The following DLEC1 variants were observed in gnomAD, a reference collection of about 807,000 sequenced individuals.
DLEC1 encodes DLEC1 cilia and flagella associated protein, also known as deleted in lung and esophageal cancer protein 1.
A neutral mutation model predicts 198.1 loss-of-function variants in DLEC1; 146 were observed. The ratio of observed to expected loss-of-function variants is 0.74; its 90% CI spans 0.64 to 0.85. The LOEUF (loss-of-function observed/expected upper bound fraction) is 0.85, where lower values mean the gene tolerates loss of function less well. DLEC1 is among the 40% of genes least tolerant of loss of function. The pLI, the probability that DLEC1 is intolerant of heterozygous loss-of-function variation, is 0.00. For missense variants in DLEC1, 2,233 were observed against 2,220.0 expected, an observed-to-expected ratio of 1.01 and a Z score of -0.12; for synonymous variants, 897 against 866.8, an observed-to-expected ratio of 1.03 and a Z score of -0.61.
At chr3:38,114,306 TGACA>T in intron 25 of DLEC1, 32 bp from the exon 26 acceptor site, 1 of 1,606,972 alleles carries the variant, frequency 6.2e-7, no homozygotes, top group South Asian at 1.1e-5. Flanking sequence ...TCGCAACCGG[TGACA>T]GGAGTGACAA....
chr3:38,117,695 T>A, intron 32 of DLEC1, 84 bp downstream of exon 32: 1 of 1,602,180 alleles, frequency 6.2e-7, no homozygotes. Flanking sequence ...TCAGGCCTTA[T>A]AGTCTGAGCC....
At chr3:38,084,297 G>T (rs1559429532) in intron 7 of DLEC1, 52 bp downstream of exon 7, 1 of 1,500,582 alleles carries the variant, frequency 6.7e-7, no homozygotes, top group Non-Finnish European at 9.3e-7. Context: ...AGTAGTGGTG[G>T]TATTAGTAGT....
intron 26 of DLEC1, 70 bp from the exon 27 acceptor site, chr3:38,114,913 C>T: frequency 1.4e-6 from 2 of 1,440,066 alleles, no homozygotes; most frequent in East Asian, 2.3e-5. Flanking sequence ...CCCCCAGTCC[C>T]AGCCCTCCTC....
At chr3:38,093,839 A>C (rs1698872950) in intron 12 of DLEC1, 72 bp downstream of exon 12, 1 of 1,574,748 alleles carries the variant, frequency 6.4e-7, no homozygotes, top group South Asian at 1.2e-5. Context: ...TCCCAGTGAG[A>C]CAGGAGGTCC....
chr3:38,045,751 G>C, intron 2 of DLEC1, 58 bp downstream of exon 2: 1 of 1,530,492 alleles, frequency 6.5e-7, no homozygotes, highest in Non-Finnish European at 8.8e-7. Flanking sequence ...ATATTTCACT[G>C]TGTTTGCTCC....
intron 19 of DLEC1, among the ~76,000 whole-genome samples, chr3:38,102,328 C>A (rs902411990): frequency 6.6e-6 from 1 of 152,180 alleles, no homozygotes; most frequent in Non-Finnish European, 1.5e-5. Flanking sequence ...CATGTACCCG[C>A]CCCTTCCCCT....
At position 38,122,935 on chromosome 3, in the gene DLEC1, G is replaced by GCCA; in HGVS notation, c.*533_*535dup. 1 of 1,107,316 alleles carries GCCA rather than the reference G, an allele frequency of 9.0e-7. No homozygotes were observed. Among genetic ancestry groups the GCCA allele is most frequent in the Admixed American group, 1.8e-5 (1 of 55,304 alleles). 68.6% of individuals were successfully genotyped at this position (1,107,316 alleles called of 1,614,324 possible). ...GTTGAAGTGCCTTGATCTGTCCACT[G>GCCA]CCACCACCACCAGTGCTGAGTTTTC... On this transcript the variant is annotated 3_prime_UTR_variant, in exon 37 of 37. Transcript: ENST00000308059.
At chr3:38,049,129 G>A (rs1459452597) in intron 2 of DLEC1, among the ~76,000 whole-genome samples, 1 of 151,858 alleles carries the variant, frequency 6.6e-6, no homozygotes, top group African/African-American at 2.4e-5. Flanking sequence ...ACAAATGTCA[G>A]TTTGGAGAAT....
intron 2 of DLEC1, among the ~76,000 whole-genome samples, chr3:38,053,681 C>A (rs1054842139): frequency 6.7e-6 from 1 of 148,878 alleles, no homozygotes; most frequent in Non-Finnish European, 1.5e-5. Flanking sequence ...AGCGGCCACC[C>A]CGTCTGGGAG....
At chr3:38,073,441 T>C (rs1697433005) in intron 6 of DLEC1, among the ~76,000 whole-genome samples, 2 of 151,864 alleles carry the variant, frequency 1.3e-5, no homozygotes, top group East Asian at 1.9e-4. Flanking sequence ...GGTGATTAGG[T>C]TTTAATGGGA....
At chr3:38,052,101 C>T in intron 2 of DLEC1, 1 of 307,600 alleles carries the variant, frequency 3.3e-6, no homozygotes, top group South Asian at 3.9e-5. Flanking sequence ...ATTGACTAAG[C>T]AGCATGGGCT....
At chr3:38,114,592 T>A (rs1225440461) in intron 26 of DLEC1, 132 bp downstream of exon 26, 76 of 883,680 alleles carry the variant, frequency 8.6e-5, no homozygotes. Flanking sequence ...TACAAGAAGG[T>A]TCCAGGCCAG....
chr3:38,052,843 G>A (rs140638360), intron 2 of DLEC1, among the ~76,000 whole-genome samples: 27 of 151,848 alleles, frequency 1.8e-4, no homozygotes, highest in African/African-American at 6.0e-4. Flanking sequence ...TGTGAAAGCC[G>A]AGGCTGGACT....
At chr3:38,079,892 G>A (rs1448560291) in intron 6 of DLEC1, among the ~76,000 whole-genome samples, 2 of 152,230 alleles carry the variant, frequency 1.3e-5, no homozygotes, top group African/African-American at 4.8e-5. Context: ...CCTTGAAGGT[G>A]AGGCTAATTA....
At chr3:38,116,692 C>T in intron 28 of DLEC1, 34 bp downstream of exon 28, 1 of 1,610,814 alleles carries the variant, frequency 6.2e-7, no homozygotes, top group South Asian at 1.1e-5. Flanking sequence ...GCAGGCTGGC[C>T]ACTGAGGGCC....
In DLEC1 at chr3:38,117,989, A is replaced by G. The variant is rs983048245; in HGVS notation, c.4669A>G (p.Lys1557Glu). ...TGAGGAGGAGACAGCCTCAGCGGAC[A>G]AGCAGCTGGTGCTCCAAGCACAGGA... ...ECEEETASAD[K>E]QLVLQAQENM... Residue 1557 changes from lysine (K) to glutamate (E), a missense_variant, in exon 33 of 37, where the codon AAG becomes GAG. By Grantham distance (56) the Lys-to-Glu change is moderately conservative. Coordinates refer to ENST00000308059, the MANE Select transcript of DLEC1 (RefSeq NM_007335.4). 1.2e-6 allele frequency: 2 copies of G among 1,612,228 alleles called. No homozygotes were observed. Among genetic ancestry groups the G allele is most frequent in the Non-Finnish European group, 1.7e-6 (2 of 1,179,116 alleles).
chr3:38,111,536 C>T, intron 23 of DLEC1, 141 bp from the exon 24 acceptor site: 1 of 725,138 alleles, frequency 1.4e-6, no homozygotes, highest in South Asian at 1.9e-5. Flanking sequence ...AAGAACTGAC[C>T]AGCTCTCCCC....
chr3:38,068,099 A>G (rs1172294590), intron 6 of DLEC1, among the ~76,000 whole-genome samples: 2 of 152,020 alleles, frequency 1.3e-5, no homozygotes, highest in Non-Finnish European at 2.9e-5. Context: ...CAAGAAGGAG[A>G]TTGCATCACA....
intron 1 of DLEC1, among the ~76,000 whole-genome samples, chr3:38,044,626 C>T (rs1700802182): frequency 6.6e-6 from 1 of 152,142 alleles, no homozygotes; most frequent in South Asian, 2.1e-4. Context: ...GTTGCCCAGG[C>T]TGATCTTGCA....
Sources: gnomAD v4.1 joint callset for allele counts (sites outside exome capture counted in the v4.1 genomes callset) on GRCh38, gnomAD v4.1.1 for gene constraint, MANE v1.5 for transcripts, NCBI Gene and HGNC (gene_info 2026-07-23, HGNC 2026-07-21) for gene names.